TACC2: variants seen among roughly 807,000 people sequenced by gnomAD.
The protein encoded by TACC2 is transforming acidic coiled-coil containing protein 2.
A neutral mutation model predicts 227.3 loss-of-function variants in TACC2; 137 were observed. That is an observed-to-expected ratio of 0.60 (90% CI 0.52 to 0.69). The LOEUF is 0.69. Ranked by LOEUF, TACC2 falls within the 30% of genes least tolerant of loss-of-function variation. The pLI, the probability that TACC2 is intolerant of heterozygous loss-of-function variation, is 0.00. For synonymous variants in TACC2, 1,523 were observed against 1,487.5 expected (o/e 1.02, Z -0.55); for missense variants, 3,470 against 3,694.4 (o/e 0.94, Z 1.57).
intron 5 of TACC2, among the ~76,000 whole-genome samples, chr10:122,096,426 G>A (rs1359639864): frequency 6.6e-6 from 1 of 152,220 alleles, no homozygotes; most frequent in African/African-American, 2.4e-5. Context: ...GCCAGGCGCG[G>A]TGGCTCACGC....
At chr10:122,249,190 G>C in intron 21 of TACC2, 34 bp downstream of exon 21, 1 of 1,530,548 alleles carries the variant, frequency 6.5e-7, no homozygotes. Context: ...GCTCCCAGGG[G>C]CCTCCCAGCA....
chr10:122,115,631 AG>A (rs2084553596), intron 5 of TACC2, among the ~76,000 whole-genome samples: 1 of 152,158 alleles, frequency 6.6e-6, no homozygotes, highest in Non-Finnish European at 1.5e-5. Flanking sequence ...TCTAATTGGG[AG>A]GATGAAAGAA....
chr10:122,182,666 T>C (rs948986906), intron 7 of TACC2, among the ~76,000 whole-genome samples: 1 of 152,184 alleles, frequency 6.6e-6, no homozygotes, highest in African/African-American at 2.4e-5. Context: ...TGACGAGTTA[T>C]AAAGTCAAAA....
intron 7 of TACC2, among the ~76,000 whole-genome samples, chr10:122,184,707 G>A (rs903042729): frequency 2.0e-5 from 3 of 152,192 alleles, no homozygotes; most frequent in Admixed American, 6.5e-5. Context: ...ATCTGTGTAC[G>A]TGAATATACA....
intron 3 of TACC2, among the ~76,000 whole-genome samples, chr10:122,054,125 A>G (rs945932924): frequency 3.9e-5 from 6 of 152,196 alleles, no homozygotes; most frequent in African/African-American, 1.2e-4. Flanking sequence ...CCTCTGAATT[A>G]TGCTAGAACA....
chr10:122,163,765 C>A (rs1398246678), intron 7 of TACC2: 1 of 1,213,454 alleles, frequency 8.2e-7, no homozygotes, highest in Non-Finnish European at 1.0e-6. Context: ...AGTCGCAGCT[C>A]CCTGCCGCCG....
At chr10:122,017,818 C>CAAAAAAAAAAAAAA (rs5788525) in intron 1 of TACC2, among the ~76,000 whole-genome samples, 3 of 74,938 alleles carry the variant, frequency 4.0e-5, no homozygotes, top group Admixed American at 1.8e-4. Context: ...GAAACTGTCT[C>CAAAAAAAAAAAAAA]AAAAAAAAAA....
At chr10:122,057,525 G>A (rs973815617) in intron 3 of TACC2, among the ~76,000 whole-genome samples, 4 of 152,100 alleles carry the variant, frequency 2.6e-5, no homozygotes, top group African/African-American at 2.4e-5. Context: ...AAGTTTGGCC[G>A]GGCACGGTGG....
intron 7 of TACC2, among the ~76,000 whole-genome samples, chr10:122,164,689 C>T (rs1037226246): frequency 3.3e-5 from 5 of 152,156 alleles, no homozygotes; most frequent in African/African-American, 1.2e-4. Flanking sequence ...CCATTACCTA[C>T]CCAGGCATGT....
At chr10:122,237,572 T>G (rs534949027) in intron 17 of TACC2, 34 bp downstream of exon 17, 1 of 1,591,462 alleles carries the variant, frequency 6.3e-7, no homozygotes, top group South Asian at 1.1e-5. Flanking sequence ...ACCCTCTTCC[T>G]GCCACTTATA....
chr10:122,182,827 C>T (rs771374627), intron 7 of TACC2, among the ~76,000 whole-genome samples: 1 of 152,114 alleles, frequency 6.6e-6, no homozygotes. Flanking sequence ...GGCGGAGACT[C>T]AGGCGCAGGT....
intron 22 of TACC2, among the ~76,000 whole-genome samples, chr10:122,250,650 G>A (rs981334336): frequency 1.2e-4 from 18 of 152,240 alleles, no homozygotes; most frequent in African/African-American, 4.1e-4. Flanking sequence ...CCTAAGTAAT[G>A]TTGGGGAAGG....
intron 7 of TACC2, among the ~76,000 whole-genome samples, chr10:122,144,114 G>A (rs1198301205): frequency 6.6e-6 from 1 of 152,180 alleles, no homozygotes; most frequent in Non-Finnish European, 1.5e-5. Context: ...GAGTAGGGAA[G>A]AGTTGTTGTA....
intron 7 of TACC2, among the ~76,000 whole-genome samples, chr10:122,169,580 A>T (rs1418087285): frequency 6.6e-6 from 1 of 152,166 alleles, no homozygotes; most frequent in Non-Finnish European, 1.5e-5. Flanking sequence ...TAGTTTGCTG[A>T]TTCCTGGTTA....
At chr10:122,057,530 C>T (rs970853265) in intron 3 of TACC2, among the ~76,000 whole-genome samples, 1 of 152,114 alleles carries the variant, frequency 6.6e-6, no homozygotes, top group African/African-American at 2.4e-5. Context: ...TGGCCGGGCA[C>T]GGTGGCTCAC....
In TACC2 at chr10:122,003,864, G is replaced by A. The variant is rs533008182; in HGVS notation, c.-46+14376G>A. Among the ~76,000 whole-genome samples, 641 of 152,038 alleles carry A rather than the reference G, an allele frequency of 4.2e-3. 2 individuals carry two copies. Among genetic ancestry groups the A allele is most frequent in the Non-Finnish European group, 7.3e-3 (498 of 67,982 alleles). On this transcript the variant is annotated intron_variant, in intron 1 of 22. Coordinates refer to ENST00000369005, the MANE Select transcript of TACC2 (RefSeq NM_206862.4). ...GTAGAGACGGGGTTTCACTGTGTTAGCCAGGATGGTCTCGATCTCCTGATG... is the reference window on the plus strand; with the variant it reads ...GTAGAGACGGGGTTTCACTGTGTTAACCAGGATGGTCTCGATCTCCTGATG...
chr10:122,211,166 A>G lies in TACC2; in HGVS notation c.6741A>G (p.Pro2247=). 6.2e-7 allele frequency: 1 copy of G among 1,612,104 alleles called. No homozygotes were observed. The highest frequency in any genetic ancestry group is 8.5e-7 in the Non-Finnish European group (1 of 1,179,008). ...CCCCGGAGGCAGGGGAGGTAACCCC[A>G]TCGGATAGCGGGGGGCAAGAGGACT... is the stretch of plus-strand genomic sequence containing the variant. ...TTAPEAGEVT[P]SDSGGQEDSP... Residue 2247 remains proline, a synonymous_variant, in exon 9 of 23, where the codon CCA becomes CCG. Transcript: ENST00000369005.
chr10:122,132,707 A>G lies in TACC2; in HGVS notation c.5672A>G (p.Gln1891Arg), dbSNP rs147336554. The G allele has an allele frequency of 1.4e-5, 22 of 1,614,168 alleles. No individual in the cohort carries two copies. In the African/African-American group the frequency reaches 2.7e-4, roughly 20 times the overall value. ...TCCTACCACGGTGATGTTGTTGGCC[A>G]GGTCTCTACGGATCTGATAGCCCAG... is the stretch of plus-strand genomic sequence containing the variant. The part of the protein sequence containing the change: ...ASSYHGDVVG[Q>R]VSTDLIAQSI... Residue 1891 changes from glutamine to arginine, a missense_variant, in exon 6 of 23, where the codon CAG becomes CGG. Physicochemically the swap from Gln to Arg is conservative, Grantham distance 43. Around this residue, in one of 10 missense-constraint regions of TACC2, gnomAD observed 1,924 missense variants for 1,978.3 expected, o/e 0.97. Coordinates refer to ENST00000369005, the MANE Select transcript of TACC2 (RefSeq NM_206862.4).
intron 9 of TACC2, among the ~76,000 whole-genome samples, 197 bp from the exon 10 acceptor site, chr10:122,215,194 G>T (rs2095374976): frequency 6.6e-6 from 1 of 152,128 alleles, no homozygotes; most frequent in Admixed American, 6.5e-5. Context: ...TCTTTCCCTT[G>T]GGGGCAAAAA....
Sources: gnomAD v4.1 joint callset for allele counts (sites outside exome capture counted in the v4.1 genomes callset) on GRCh38, gnomAD v4.1.1 for gene constraint, gnomAD v4.1.1 regional missense constraint, MANE v1.5 for transcripts, NCBI Gene and HGNC (gene_info 2026-07-23, HGNC 2026-07-21) for gene names.